The following OTUD7A variants were observed in gnomAD, a reference collection of about 807,000 sequenced individuals.
OTUD7A encodes OTU deubiquitinase 7A, also known as OTU domain-containing protein 7A.
In OTUD7A, 12 loss-of-function variants were observed where a neutral mutation model predicts 65.7. The ratio of observed to expected loss-of-function variants is 0.18; its 90% confidence interval spans 0.12 to 0.30. OTUD7A has a LOEUF of 0.30. OTUD7A is among the 10% of genes least tolerant of loss of function. OTUD7A has a pLI of 1.00. For synonymous variants in OTUD7A, 641 were observed against 586.3 expected (o/e 1.09, Z -1.35); for missense variants, 1,148 against 1,304.8 (o/e 0.88, Z 1.85).
At chr15:31,746,884 G>A (rs1390179850) in intron 1 of OTUD7A, among the ~76,000 whole-genome samples, 1 of 152,136 alleles carries the variant, frequency 6.6e-6, no homozygotes, top group African/African-American at 2.4e-5. Context: ...ACTGGAACAG[G>A]GCACAGTGAA....
At chr15:31,624,401 C>T (rs114550558) in intron 3 of OTUD7A, among the ~76,000 whole-genome samples, 2,445 of 152,260 alleles carry the variant, frequency 0.016, 69 homozygotes, top group African/African-American at 0.056. Context: ...GCAGAGGACA[C>T]ATAGAAACAG....
At chr15:31,515,963 CACCT>C (rs1248945212) in intron 8 of OTUD7A, among the ~76,000 whole-genome samples, 1 of 152,176 alleles carries the variant, frequency 6.6e-6, no homozygotes, top group Non-Finnish European at 1.5e-5. Context: ...TCCACCCACC[CACCT>C]ACGCACGCAT....
intron 1 of OTUD7A, chr15:31,768,001 A>G (rs1895133865): frequency 6.3e-6 from 10 of 1,592,522 alleles, no homozygotes; most frequent in Middle Eastern, 1.7e-4. Flanking sequence ...GTTGCCTTGT[A>G]ACTTCAGGAC....
At chr15:31,697,006 A>C (rs1893100013) in intron 1 of OTUD7A, among the ~76,000 whole-genome samples, 1 of 151,278 alleles carries the variant, frequency 6.6e-6, no homozygotes, top group African/African-American at 2.4e-5. Flanking sequence ...AATGTGTTCA[A>C]GTTTCCCAAG....
intron 1 of OTUD7A, among the ~76,000 whole-genome samples, chr15:31,840,310 C>T (rs970058348): frequency 5.3e-5 from 8 of 151,980 alleles, no homozygotes; most frequent in South Asian, 2.1e-4. Context: ...TGGTGGCGCA[C>T]GCCTGTAATC....
chr15:31,492,749 A>G (rs1448401629), intron 10 of OTUD7A, among the ~76,000 whole-genome samples: 2 of 152,208 alleles, frequency 1.3e-5, no homozygotes, highest in African/African-American at 4.8e-5. Context: ...GAGAAACAAA[A>G]GGAAAAAAGA....
intron 4 of OTUD7A, among the ~76,000 whole-genome samples, chr15:31,559,731 G>C (rs1888627615): frequency 6.6e-6 from 1 of 152,086 alleles, no homozygotes; most frequent in Admixed American, 6.5e-5. Context: ...CTATATACGT[G>C]TACACATATA....
chr15:31,710,283 C>T (rs1180184364), intron 1 of OTUD7A, among the ~76,000 whole-genome samples: 1 of 150,020 alleles, frequency 6.7e-6, no homozygotes, highest in Non-Finnish European at 1.5e-5. Flanking sequence ...AAGCCTTCAA[C>T]TCCATTTGCT....
At chr15:31,869,104 G>A (rs1897954947) in intron 1 of OTUD7A, among the ~76,000 whole-genome samples, 1 of 152,234 alleles carries the variant, frequency 6.6e-6, no homozygotes, top group Admixed American at 6.5e-5. Flanking sequence ...TTGGGAACTT[G>A]CTTAGTTTTG....
At chr15:31,790,437 A>G (rs572457023) in intron 1 of OTUD7A, among the ~76,000 whole-genome samples, 10 of 152,372 alleles carry the variant, frequency 6.6e-5, no homozygotes, top group African/African-American at 2.2e-4. Context: ...CATGTCTGGA[A>G]CCCAGGTGTT....
intron 1 of OTUD7A, among the ~76,000 whole-genome samples, chr15:31,833,745 C>T (rs1266245434): frequency 6.6e-6 from 1 of 152,192 alleles, no homozygotes; most frequent in Non-Finnish European, 1.5e-5. Context: ...TATCGAATTC[C>T]TCACTTCAGT....
chr15:31,755,060 C>CGT (rs71424619), intron 1 of OTUD7A, among the ~76,000 whole-genome samples: 37,099 of 146,194 alleles, frequency 0.25, 5,224 homozygotes, highest in Admixed American at 0.37. Flanking sequence ...CCTCTGTGTT[C>CGT]GTGTGTGTGT....
intron 5 of OTUD7A, among the ~76,000 whole-genome samples, chr15:31,544,194 CA>C (rs1888063806): frequency 7.0e-6 from 1 of 142,432 alleles, no homozygotes; most frequent in South Asian, 2.1e-4. Context: ...CATGTAATAA[CA>C]AAAATATTAC....
chr15:31,551,816 G>GT (rs150599307), intron 5 of OTUD7A, among the ~76,000 whole-genome samples: 4,154 of 152,290 alleles, frequency 0.027, 197 homozygotes, highest in African/African-American at 0.094. Context: ...ACGTGCTTCT[G>GT]TGAGAGCTCC....
At chr15:31,760,118 C>G (rs1218807373) in intron 1 of OTUD7A, among the ~76,000 whole-genome samples, 1 of 152,162 alleles carries the variant, frequency 6.6e-6, no homozygotes, top group African/African-American at 2.4e-5. Context: ...ACTTTGCTAC[C>G]TACTCCACAC....
chr15:31,507,928 G>T (rs2041607283), intron 8 of OTUD7A, among the ~76,000 whole-genome samples: 1 of 152,206 alleles, frequency 6.6e-6, no homozygotes, highest in South Asian at 2.1e-4. Flanking sequence ...TGGCGTTTTG[G>T]CTGCAGGTGA....
intron 4 of OTUD7A, among the ~76,000 whole-genome samples, chr15:31,563,131 T>C (rs1027083944): frequency 8.5e-5 from 13 of 152,204 alleles, no homozygotes; most frequent in African/African-American, 3.1e-4. Context: ...TACTAGGCCC[T>C]GATTCTGCCA....
rs533227849 is a variant in OTUD7A at position 31,519,141 on chromosome 15, T to TGC, written c.893+7206_893+7207dup. On this transcript the variant is annotated intron_variant, in intron 8 of 12. Coordinates refer to ENST00000307050, the MANE Select transcript of OTUD7A (RefSeq NM_001382637.1). ...TGCTGTGTGTGTGTGTGTGTGTGTG[T>TGC]GCACGCACGCGCACTCACACTTGCC... is the stretch of plus-strand genomic sequence containing the variant. Among the ~76,000 whole-genome samples, 30 of 146,598 alleles carry TGC rather than the reference T, an allele frequency of 2.0e-4. No individual in the cohort carries two copies. The East Asian group carries it at 5.4e-3, about 26-fold the overall frequency.
intron 3 of OTUD7A, among the ~76,000 whole-genome samples, chr15:31,579,937 A>G (rs953750111): frequency 1.3e-5 from 2 of 152,242 alleles, no homozygotes; most frequent in Non-Finnish European, 2.9e-5. Context: ...GGAAAAATAC[A>G]GAGAACAAAC....
Sources: allele counts gnomAD v4.1 joint callset (sites outside exome capture counted in the v4.1 genomes callset), GRCh38; gene constraint gnomAD v4.1.1; transcripts MANE v1.5; gene names NCBI Gene and HGNC (gene_info 2026-07-23, HGNC 2026-07-21).